Variants in NRG1 observed in about 807,000 individuals in gnomAD.
NRG1 encodes pro-neuregulin-1, membrane-bound isoform.
NRG1 carries 18 observed loss-of-function variants against 63.8 expected under a neutral mutation model. That is an observed-to-expected ratio of 0.28 (90% confidence interval 0.19 to 0.42). The LOEUF is 0.42. Among genes scored for constraint, NRG1 ranks in the 10% least tolerant of loss-of-function variants. NRG1 has a pLI of 1.00. For synonymous variants in NRG1, 302 were observed against 301.3 expected (o/e 1.00, Z -0.02); for missense variants, 762 against 814.7 (o/e 0.94, Z 0.79).
At chr8:31,881,151 T>C (rs896506003) in intron 1 of NRG1, among the ~76,000 whole-genome samples, 1 of 152,214 alleles carries the variant, frequency 6.6e-6, no homozygotes, top group African/African-American at 2.4e-5. Flanking sequence ...GCTTTGCAGA[T>C]ATTGTGTTTT....
At chr8:31,950,578 C>A (rs385396) in intron 1 of NRG1, among the ~76,000 whole-genome samples, 136,898 of 152,244 alleles carry the variant, frequency 0.9, 62,342 homozygotes, top group African/African-American at 0.97. Flanking sequence ...CTGAATAAGC[C>A]AAGTTAAGCT....
intron 5 of NRG1, among the ~76,000 whole-genome samples, chr8:32,628,332 T>G (rs1849664426): frequency 6.6e-6 from 1 of 152,242 alleles, no homozygotes; most frequent in African/African-American, 2.4e-5. Context: ...AGATGCATTT[T>G]TTTCCTCTGT....
intron 1 of NRG1, among the ~76,000 whole-genome samples, chr8:32,590,786 C>G (rs558427889): frequency 3.9e-4 from 59 of 151,968 alleles, no homozygotes; most frequent in Non-Finnish European, 7.5e-4. Context: ...AAAATTTACT[C>G]TGTTGAAAAT....
At chr8:32,280,429 G>T (rs1413303120) in intron 1 of NRG1, among the ~76,000 whole-genome samples, 3 of 152,238 alleles carry the variant, frequency 2.0e-5, no homozygotes, top group Admixed American at 2.0e-4. Flanking sequence ...CCAAAAATTT[G>T]GTTCGATTTG....
rs776939550 is a variant in NRG1, at chr8:32,742,750, T to C, written c.691+17T>C. The C allele has an allele frequency of 6.2e-7, 1 of 1,613,806 alleles. No homozygotes were observed. The highest frequency in any genetic ancestry group is 1.7e-5 in the Admixed American group (1 of 60,006). On this transcript the variant is annotated intron_variant, in intron 7 of 11. Coordinates refer to ENST00000356819, the Ensembl canonical transcript of NRG1. The surrounding 1 kb of genome is among the most constrained non-coding windows in gnomAD (Gnocchi z 4.2). Reference sequence around the variant, plus strand: ...GCTTCTACAGTACGTCCACTCCCTTTCTGTCTCTGCCTGAATAGGAGCATG... The same window carrying C: ...GCTTCTACAGTACGTCCACTCCCTTCCTGTCTCTGCCTGAATAGGAGCATG...
At chr8:32,133,148 A>G (rs1396867640) in intron 1 of NRG1, among the ~76,000 whole-genome samples, 1 of 152,060 alleles carries the variant, frequency 6.6e-6, no homozygotes, top group African/African-American at 2.4e-5. Flanking sequence ...CTTCTCCAAC[A>G]TCATTACCCC....
At chr8:31,834,298 C>CAGATGCGT (rs1554546948) in intron 1 of NRG1, among the ~76,000 whole-genome samples, 52 of 21,820 alleles carry the variant, frequency 2.4e-3, no homozygotes, top group Non-Finnish European at 9.8e-4. Flanking sequence ...TGCGTGTGCG[C>CAGATGCGT]GCACGCGCGC....
intron 1 of NRG1, among the ~76,000 whole-genome samples, chr8:32,482,398 T>TTTTGTGTGTGTGTGTGTG (rs141001148): frequency 6.7e-6 from 1 of 148,220 alleles, no homozygotes; most frequent in African/African-American, 2.5e-5. Flanking sequence ...CTTTCTACTT[T>TTTTGTGTGTGTGTGTGTG]TGTGTGTGTG....
intron 1 of NRG1, among the ~76,000 whole-genome samples, chr8:32,590,436 T>C (rs1158379430): frequency 6.6e-6 from 1 of 152,176 alleles, no homozygotes; most frequent in Non-Finnish European, 1.5e-5. Context: ...TCGGAACACC[T>C]CCTGCATTTG....
chr8:32,307,451 GGTGT>G (rs1220079074), intron 1 of NRG1, among the ~76,000 whole-genome samples: 5 of 120 alleles, frequency 0.042, no homozygotes, highest in African/African-American at 0.14. Flanking sequence ...GTGGTTCAGA[GGTGT>G]TTGTTTGTCT....
chr8:32,160,954 C>T (rs1032620993), intron 1 of NRG1, among the ~76,000 whole-genome samples: 1 of 152,138 alleles, frequency 6.6e-6, no homozygotes, highest in Non-Finnish European at 1.5e-5. Flanking sequence ...CTACACTCTA[C>T]TAAAATTATT....
intron 1 of NRG1, among the ~76,000 whole-genome samples, chr8:31,986,508 C>A (rs1810094848): frequency 6.6e-6 from 1 of 152,068 alleles, no homozygotes; most frequent in South Asian, 2.1e-4. Flanking sequence ...ATTTGACTGC[C>A]TCCTAAACTT....
At chr8:31,690,753 T>C (rs1449431283) in intron 1 of NRG1, among the ~76,000 whole-genome samples, 1 of 152,166 alleles carries the variant, frequency 6.6e-6, no homozygotes, top group African/African-American at 2.4e-5. Context: ...ATAGTTTCTC[T>C]AATTGGAAGG....
intron 5 of NRG1, among the ~76,000 whole-genome samples, chr8:32,642,591 C>G (rs1052397194): frequency 1.3e-5 from 2 of 152,100 alleles, no homozygotes; most frequent in African/African-American, 4.8e-5. Context: ...ATGGAGCTTT[C>G]TTGTGAAAAT....
At chr8:32,649,821 C>T (rs1854605033) in intron 5 of NRG1, among the ~76,000 whole-genome samples, 1 of 152,186 alleles carries the variant, frequency 6.6e-6, no homozygotes, top group Non-Finnish European at 1.5e-5. Context: ...GTCTGACAGA[C>T]ATCACTGCCT....
intron 1 of NRG1, among the ~76,000 whole-genome samples, chr8:32,408,305 T>C (rs553947974): frequency 6.6e-6 from 1 of 152,226 alleles, no homozygotes; most frequent in African/African-American, 2.4e-5. Context: ...CTCTTTGCCC[T>C]GTTCCCTCAG....
chr8:32,349,070 G>C (rs555570066), intron 1 of NRG1, among the ~76,000 whole-genome samples: 2 of 152,292 alleles, frequency 1.3e-5, no homozygotes, highest in East Asian at 3.9e-4. Context: ...TTACACTTTT[G>C]AGTGGGACTG....
intron 1 of NRG1, among the ~76,000 whole-genome samples, chr8:32,515,454 T>G (rs1829726750): frequency 9.4e-6 from 1 of 106,770 alleles, no homozygotes; most frequent in Non-Finnish European, 2.1e-5. Context: ...TTTTTTGTTT[T>G]GTTTTGTTTT....
At chr8:32,113,213 T>C (rs954163906) in intron 1 of NRG1, among the ~76,000 whole-genome samples, 9 of 152,194 alleles carry the variant, frequency 5.9e-5, no homozygotes, top group Admixed American at 6.5e-5. Context: ...CACTGGCTGC[T>C]AGCTAGATTT....
Sources: allele counts gnomAD v4.1 joint callset (sites outside exome capture counted in the v4.1 genomes callset), GRCh38; gene constraint gnomAD v4.1.1; non-coding constraint Gnocchi (gnomAD v3.1); transcripts MANE v1.5; gene names NCBI Gene and HGNC (gene_info 2026-07-23, HGNC 2026-07-21).